The following CEP128 variants were observed in gnomAD, a reference collection of about 807,000 sequenced individuals.
CEP128 encodes the protein centrosomal protein 128, also known as centrosomal protein 128kDa.
CEP128 carries 132 observed loss-of-function variants against 156.7 expected under a neutral mutation model. The observed-to-expected ratio is 0.84, with a 90% CI of 0.73 to 0.97. The LOEUF is 0.97. CEP128 is among the 50% of genes least tolerant of loss of function. CEP128 has a pLI of 0.00. For missense variants in CEP128, 1,252 were observed against 1,281.9 expected, an observed-to-expected ratio of 0.98 and a Z score of 0.36; for synonymous variants, 469 against 448.9, an observed-to-expected ratio of 1.04 and a Z score of -0.57.
At chr14:80,486,823 T>G (rs1887176753), downstream of CEP128, among the ~76,000 whole-genome samples, 1 of 151,998 alleles carries the variant, frequency 6.6e-6, no homozygotes, top group African/African-American at 2.4e-5. Flanking sequence ...GTAAAGCAAA[T>G]GCTGAGAGAT....
intron 19 of CEP128, among the ~76,000 whole-genome samples, chr14:80,590,179 T>A (rs1476672601): frequency 1.3e-5 from 2 of 152,158 alleles, no homozygotes; most frequent in African/African-American, 4.8e-5. Flanking sequence ...GTATTCATCT[T>A]GAAATGGCAA....
At chr14:80,893,639 A>G (rs1889209432) in intron 8 of CEP128, among the ~76,000 whole-genome samples, 1 of 152,030 alleles carries the variant, frequency 6.6e-6, no homozygotes, top group South Asian at 2.1e-4. Context: ...AAAATTTACA[A>G]AACAAAAAAA....
intron 19 of CEP128, among the ~76,000 whole-genome samples, chr14:80,700,139 T>G (rs1440185566): frequency 1.3e-5 from 2 of 152,198 alleles, no homozygotes; most frequent in African/African-American, 4.8e-5. Flanking sequence ...AAGTGTCAAG[T>G]TGTGAACTTG....
intron 19 of CEP128, among the ~76,000 whole-genome samples, chr14:80,700,716 A>G (rs1897047256): frequency 6.6e-6 from 1 of 152,214 alleles, no homozygotes. Context: ...ATTCTGTGAC[A>G]TAAGGAATTC....
At chr14:80,761,071 G>A (rs1899939784) in intron 17 of CEP128, among the ~76,000 whole-genome samples, 1 of 151,984 alleles carries the variant, frequency 6.6e-6, no homozygotes, top group Non-Finnish European at 1.5e-5. Context: ...GCATACTACA[G>A]TACCTATACT....
intron 19 of CEP128, among the ~76,000 whole-genome samples, chr14:80,619,707 T>TACA (rs1893394013): frequency 1.0e-5 from 1 of 99,384 alleles, no homozygotes; most frequent in Non-Finnish European, 2.1e-5. Context: ...TGTCTCAAGT[T>TACA]AAAAAAAAAA....
rs1017756791 is a variant in CEP128 at position 80,923,001 on chromosome 14, G to A, written c.-15-6439C>T. Among the ~76,000 whole-genome samples, 24 of 152,190 alleles carry A rather than the reference G, an allele frequency of 1.6e-4. 1 individual carries two copies. The highest frequency in any genetic ancestry group is 2.1e-4 in the South Asian group (1 of 4,826). Reference sequence around the variant, plus strand: ...ACAAGAAAGCAACAATATTTGTGCCGTCTGCTTTTCAGACGTGAGCTTTTT... The same window carrying A: ...ACAAGAAAGCAACAATATTTGTGCCATCTGCTTTTCAGACGTGAGCTTTTT... On this transcript the variant is annotated intron_variant, in intron 2 of 24. Coordinates refer to ENST00000555265, the MANE Select transcript of CEP128 (RefSeq NM_152446.5).
intron 19 of CEP128, among the ~76,000 whole-genome samples, chr14:80,732,623 ATTAAT>A (rs1396248591): frequency 6.6e-6 from 1 of 152,070 alleles, no homozygotes; most frequent in Non-Finnish European, 1.5e-5. Context: ...ACTTTTTTGT[ATTAAT>A]TTGAGAGTAT....
At chr14:80,939,060 T>C (rs1320521426) in intron 2 of CEP128, among the ~76,000 whole-genome samples, 4 of 152,206 alleles carry the variant, frequency 2.6e-5, no homozygotes, top group African/African-American at 9.6e-5. Context: ...TTGTAAAAGA[T>C]AAGCATGGTA....
At chr14:80,718,111 C>T (rs771616736) in intron 19 of CEP128, among the ~76,000 whole-genome samples, 17 of 152,080 alleles carry the variant, frequency 1.1e-4, no homozygotes, top group Non-Finnish European at 1.9e-4. Context: ...TTTCATATAA[C>T]TCAACAAAGA....
chr14:80,677,679 G>T (rs985889865), intron 19 of CEP128, among the ~76,000 whole-genome samples: 2 of 151,938 alleles, frequency 1.3e-5, no homozygotes, highest in African/African-American at 4.8e-5. Flanking sequence ...ATCACCTAGA[G>T]TTGGTGAAAT....
Position 80,610,202 on chromosome 14 carries a change from T to C in CEP128, c.2807-29779A>G, listed in dbSNP as rs551434445. ...AATGTCTATTGGTCAAAACCATTTA[T>C]AGAATTATCAATCTTTCCCCCACTT... On this transcript the variant is annotated intron_variant, in intron 19 of 24. Transcript: ENST00000555265. 2.0e-5 allele frequency among the ~76,000 whole-genome samples: 3 copies of C among 152,308 alleles called. No homozygotes were observed. The South Asian group carries it at 6.2e-4, about 32-fold the overall frequency.
At chr14:80,674,906 TAAA>T (rs1336870710) in intron 19 of CEP128, among the ~76,000 whole-genome samples, 1 of 152,088 alleles carries the variant, frequency 6.6e-6, no homozygotes, top group Non-Finnish European at 1.5e-5. Flanking sequence ...TACATTCCAT[TAAA>T]ACCACCTGGA....
chr14:80,533,454 C>G (rs1327649997), intron 21 of CEP128, among the ~76,000 whole-genome samples: 6 of 152,144 alleles, frequency 3.9e-5, no homozygotes, highest in Non-Finnish European at 7.4e-5. Flanking sequence ...TAAAACGCAG[C>G]ATGTTAAGTA....
chr14:80,736,972 A>G (rs1898562673), intron 19 of CEP128, among the ~76,000 whole-genome samples: 1 of 152,256 alleles, frequency 6.6e-6, no homozygotes, highest in Non-Finnish European at 1.5e-5. Flanking sequence ...AACAGAAAAC[A>G]TATGAGAAAC....
chr14:80,791,052 G>A (rs1466840876), intron 14 of CEP128, among the ~76,000 whole-genome samples: 1 of 152,034 alleles, frequency 6.6e-6, no homozygotes. Flanking sequence ...GTGTTAAGGT[G>A]GCTTTGTGAT....
intron 23 of CEP128, 24 bp downstream of exon 23, chr14:80,526,844 TA>T: frequency 2.2e-6 from 3 of 1,354,986 alleles, no homozygotes; most frequent in Non-Finnish European, 3.2e-6. Flanking sequence ...ACTTAAAGAC[TA>T]AAAAAGTATA....
intron 4 of CEP128, among the ~76,000 whole-genome samples, chr14:80,913,337 G>C (rs1351566781): frequency 6.6e-6 from 1 of 152,122 alleles, no homozygotes; most frequent in Non-Finnish European, 1.5e-5. Context: ...TCAAAACAAT[G>C]AAGTAGTGCT....
At chr14:80,789,868 T>G (rs58696376) in intron 14 of CEP128, among the ~76,000 whole-genome samples, 9,829 of 151,894 alleles carry the variant, frequency 0.065, 1,056 homozygotes, top group African/African-American at 0.23. Context: ...CAATGTTTTT[T>G]TTGTTGTTGT....
Sources: gnomAD v4.1 joint callset for allele counts (sites outside exome capture counted in the v4.1 genomes callset) on GRCh38, gnomAD v4.1.1 for gene constraint, MANE v1.5 for transcripts, NCBI Gene and HGNC (gene_info 2026-07-23, HGNC 2026-07-21) for gene names.